Variants in FRYL observed in about 807,000 individuals in gnomAD.
FRYL encodes protein furry homolog-like.
FRYL carries 150 observed loss-of-function variants against 351.2 expected under a neutral mutation model. The observed-to-expected ratio is 0.43, with a 90% CI of 0.37 to 0.49. The LOEUF is 0.49. FRYL is among the 20% of genes least tolerant of loss of function. The pLI is 0.00. For missense variants in FRYL, 3,036 were observed against 3,619.3 expected (o/e 0.84, Z 4.13); for synonymous variants, 1,153 against 1,257.1 (o/e 0.92, Z 1.75).
chr4:48,582,873 C>T, intron 19 of FRYL, 139 bp from the exon 20 acceptor site: 1 of 648,898 alleles, frequency 1.5e-6, no homozygotes, highest in East Asian at 2.6e-5. Context: ...CCAATGATCA[C>T]TTTTTCATGC....
intron 7 of FRYL, among the ~76,000 whole-genome samples, chr4:48,612,400 C>G (rs1185664975): frequency 6.6e-6 from 1 of 152,058 alleles, no homozygotes; most frequent in Non-Finnish European, 1.5e-5. Flanking sequence ...AAAGTTTTTT[C>G]CTCCCCTATA....
rs1416744679 is a variant in FRYL, at chr4:48,604,767, G to T, written c.834+974C>A. On this transcript the variant is annotated intron_variant, in intron 11 of 63. Transcript: ENST00000358350. Reference sequence around the variant, plus strand: ...GTACTTTATTACGGCTGTCCTAGCAGGCTAATAAACCTGGACACAAAAGCA... The same window carrying T: ...GTACTTTATTACGGCTGTCCTAGCATGCTAATAAACCTGGACACAAAAGCA... Among the ~76,000 whole-genome samples, 3 of 152,164 alleles carry T rather than the reference G, an allele frequency of 2.0e-5. No individual in the cohort carries two copies. The South Asian group carries it at 6.2e-4, about 32-fold the overall frequency.
At chr4:48,713,633 G>A (rs1480855013) in intron 1 of FRYL, among the ~76,000 whole-genome samples, 2 of 152,074 alleles carry the variant, frequency 1.3e-5, no homozygotes, top group Admixed American at 1.3e-4. Context: ...AGTCCTGAGT[G>A]ACCTACAAAG....
In FRYL at chr4:48,670,232, G is replaced by C. The variant is rs1274930999; in HGVS notation, c.-81+14441C>G. On this transcript the variant is annotated intron_variant, in intron 3 of 63. Transcript: ENST00000358350. ...GTGGATCACTTGAGGTCAGGAGTTT[G>C]AGATCAGTCTGGCCAACATGGTGAA... is the stretch of plus-strand genomic sequence containing the variant. 2.0e-5 allele frequency among the ~76,000 whole-genome samples: 3 copies of C among 152,114 alleles called. No homozygotes were observed. The East Asian group carries it at 5.8e-4, about 29-fold the overall frequency.
chr4:48,779,523 G>C (rs926529051), intron 1 of FRYL, among the ~76,000 whole-genome samples: 1 of 151,780 alleles, frequency 6.6e-6, no homozygotes, highest in Non-Finnish European at 1.5e-5. Flanking sequence ...GCCGGTCCCC[G>C]CCAGCCCTGC....
intron 44 of FRYL, among the ~76,000 whole-genome samples, chr4:48,542,625 A>C (rs4404518): frequency 0.2 from 30,908 of 152,152 alleles, 3,484 homozygotes; most frequent in Admixed American, 0.34. Flanking sequence ...CATGTTGGCC[A>C]GGGTGGTCTC....
At chr4:48,647,617 C>T (rs993966390) in intron 3 of FRYL, among the ~76,000 whole-genome samples, 4 of 152,176 alleles carry the variant, frequency 2.6e-5, no homozygotes, top group African/African-American at 7.2e-5. Context: ...AATGAAATGT[C>T]TCCTTTCTCA....
intron 1 of FRYL, among the ~76,000 whole-genome samples, chr4:48,723,263 C>T (rs575603703): frequency 6.6e-6 from 1 of 152,260 alleles, no homozygotes; most frequent in African/African-American, 2.4e-5. Flanking sequence ...CCACCTTAGC[C>T]TCCTGAGTAG....
At chr4:48,654,911 G>T (rs1368999989) in intron 3 of FRYL, among the ~76,000 whole-genome samples, 2 of 152,142 alleles carry the variant, frequency 1.3e-5, no homozygotes, top group African/African-American at 4.8e-5. Flanking sequence ...AGTTTACTGT[G>T]ACTTTGAAGG....
At chr4:48,779,183 G>A (rs1776356713) in intron 1 of FRYL, among the ~76,000 whole-genome samples, 1 of 152,188 alleles carries the variant, frequency 6.6e-6, no homozygotes, top group Non-Finnish European at 1.5e-5. Context: ...AGGAAACCAG[G>A]CTGTGCCCAA....
chr4:48,507,072 CCTTAT>C (rs1234876081), intron 59 of FRYL, among the ~76,000 whole-genome samples: 2 of 152,134 alleles, frequency 1.3e-5, no homozygotes, highest in African/African-American at 2.4e-5. Flanking sequence ...CTTAATTATG[CCTTAT>C]CTTGTCCAGT....
At position 48,602,048 on chromosome 4, in the gene FRYL, A is replaced by G. The variant is rs1342375200; in HGVS notation, c.1007T>C (p.Phe336Ser). The change falls in exon 13 of 64, where the codon TTC becomes TCC. Residue 336 changes from phenylalanine to serine, a missense_variant. Physicochemically the swap from Phe to Ser is radical, Grantham distance 155 (BLOSUM62 -2). Around this residue, in one of 7 missense-constraint regions of FRYL, gnomAD observed 457 missense variants for 566.6 expected, o/e 0.81. Coordinates refer to ENST00000358350, the MANE Select transcript of FRYL (RefSeq NM_015030.2). ...KQFFLNNWHIFLQNCLSHLKN... is the reference protein window; with the variant it reads ...KQFFLNNWHISLQNCLSHLKN... The stretch of plus-strand genomic sequence containing the variant: ...TAAATGTGACAAACAGTTCTGTAGG[A>G]AAATATGCCAGTTATTTAAAAAAAA... 5.0e-6 allele frequency: 8 copies of G among 1,594,458 alleles called. No homozygotes were observed. The highest frequency in any genetic ancestry group is 6.0e-6 in the Non-Finnish European group (7 of 1,163,000).
Position 48,498,032 on chromosome 4 carries a change from A to G in FRYL, c.*1390T>C, listed in dbSNP as rs1014107571. The G allele has an allele frequency of 1.3e-5, 2 of 152,386 alleles. No individual in the cohort carries two copies. The highest frequency in any genetic ancestry group is 4.8e-5 in the African/African-American group (2 of 41,430). 9.4% of individuals were successfully genotyped at this position (152,386 alleles called of 1,614,324 possible). ...GATAAGAGATGTATATAAAAAATAC[A>G]AGGTGTTTCTTTCAAATCAGGAGTT... On this transcript the variant is annotated 3_prime_UTR_variant, in exon 64 of 64. Coordinates refer to ENST00000358350, the MANE Select transcript of FRYL (RefSeq NM_015030.2).
chr4:48,527,713 G>A lies in FRYL; in HGVS notation c.7141-60C>T, dbSNP rs1577953465. 6.7e-6 allele frequency: 10 copies of A among 1,502,802 alleles called. No homozygotes were observed. The East Asian group carries it at 1.1e-4, about 17-fold the overall frequency. The allele number at this position is 1,502,802 out of a possible 1,614,324, so 93.1% of individuals were successfully genotyped here. ...CCATCAGATTTGTCACTCTGCGTAT[G>A]AGGTATCAGTACCCCAAAGCCACCG... On this transcript the variant is annotated intron_variant, in intron 52 of 63. Transcript: ENST00000358350.
At chr4:48,633,134 T>C (rs1753587127) in intron 4 of FRYL, among the ~76,000 whole-genome samples, 1 of 152,146 alleles carries the variant, frequency 6.6e-6, no homozygotes, top group Non-Finnish European at 1.5e-5. Context: ...GTGTTCTTAG[T>C]ACATCACATA....
At chr4:48,703,332 T>C (rs988405921) in intron 2 of FRYL, among the ~76,000 whole-genome samples, 4 of 152,138 alleles carry the variant, frequency 2.6e-5, no homozygotes, top group African/African-American at 9.7e-5. Context: ...ACTGAACAAA[T>C]AGGCACCATC....
intron 49 of FRYL, among the ~76,000 whole-genome samples, chr4:48,531,619 T>C (rs899390594): frequency 3.3e-5 from 5 of 152,210 alleles, no homozygotes; most frequent in African/African-American, 1.2e-4. Context: ...TGCTTTGTAA[T>C]TATCATTAAT....
intron 7 of FRYL, among the ~76,000 whole-genome samples, chr4:48,613,748 G>A (rs189477515): frequency 1.3e-5 from 2 of 152,254 alleles, no homozygotes; most frequent in African/African-American, 4.8e-5. Flanking sequence ...CTGAGGTCAG[G>A]AGTTCCAGAC....
chr4:48,662,984 C>T (rs1761070692), intron 3 of FRYL, among the ~76,000 whole-genome samples: 1 of 152,060 alleles, frequency 6.6e-6, no homozygotes, highest in Admixed American at 6.5e-5. Flanking sequence ...AGAAGTTCTT[C>T]AGGTGGAAAG....
Sources: gnomAD v4.1 joint callset for allele counts (sites outside exome capture counted in the v4.1 genomes callset) on GRCh38, gnomAD v4.1.1 for gene constraint, gnomAD v4.1.1 regional missense constraint, MANE v1.5 for transcripts, NCBI Gene and HGNC (gene_info 2026-07-23, HGNC 2026-07-21) for gene names.